The following NOL10 variants were observed in gnomAD, a reference collection of about 807,000 sequenced individuals.
NOL10 encodes H_NH0074G24.1.
Under a neutral mutation model 103.5 loss-of-function variants are expected in NOL10, and 58 were observed. The ratio of observed to expected loss-of-function variants is 0.56; its 90% confidence interval spans 0.45 to 0.70. The LOEUF (loss-of-function observed/expected upper bound fraction) is 0.70, where lower values mean the gene tolerates loss of function less well. Ranked by LOEUF, NOL10 falls within the 30% of genes least tolerant of loss-of-function variation. The probability of loss-of-function intolerance (pLI) is 0.00; values close to 1 mark genes in which losing one functional copy is unlikely to be tolerated. For missense variants in NOL10, 763 were observed against 807.3 expected, an observed-to-expected ratio of 0.95 and a Z score of 0.67; for synonymous variants, 287 against 282.5, an observed-to-expected ratio of 1.02 and a Z score of -0.16.
chr2:10,619,499 A>C (rs1677010993), intron 13 of NOL10, among the ~76,000 whole-genome samples: 1 of 152,162 alleles, frequency 6.6e-6, no homozygotes, highest in Admixed American at 6.5e-5. Context: ...AAAATCATGA[A>C]ACTCACTCAT....
chr2:10,610,831 T>C (rs72775385), intron 13 of NOL10, among the ~76,000 whole-genome samples: 2,642 of 152,352 alleles, frequency 0.017, 48 homozygotes, highest in Middle Eastern at 0.051. Context: ...ATTTTACAAC[T>C]TGAGGAAAAC....
intron 3 of NOL10, among the ~76,000 whole-genome samples, chr2:10,679,216 G>A (rs1004242318): frequency 6.6e-5 from 10 of 152,016 alleles, no homozygotes; most frequent in East Asian, 3.9e-4. Context: ...AAAATTAGCC[G>A]GGCGTGGTGG....
chr2:10,593,942 TC>T (rs1204694877), intron 17 of NOL10, among the ~76,000 whole-genome samples: 1 of 152,200 alleles, frequency 6.6e-6, no homozygotes, highest in Non-Finnish European at 1.5e-5. Flanking sequence ...GCAGTGTCCT[TC>T]CCCAAACAGT....
At chr2:10,590,264 G>A (rs983689146) in intron 17 of NOL10, among the ~76,000 whole-genome samples, 5 of 151,954 alleles carry the variant, frequency 3.3e-5, no homozygotes, top group African/African-American at 7.3e-5. Context: ...GTGCACCACC[G>A]CACCCGGCTA....
chr2:10,587,547 AG>A (rs1320634241), intron 19 of NOL10, among the ~76,000 whole-genome samples: 2 of 151,646 alleles, frequency 1.3e-5, no homozygotes, highest in Non-Finnish European at 2.9e-5. Flanking sequence ...CTAGGATTAC[AG>A]GCGTGAGCCA....
At chr2:10,605,332 A>C (rs1388495750) in intron 14 of NOL10, among the ~76,000 whole-genome samples, 7 of 152,198 alleles carry the variant, frequency 4.6e-5, no homozygotes, top group Non-Finnish European at 1.5e-5. Context: ...GCAAATCTTC[A>C]ATATACTAAT....
chr2:10,602,643 C>T, intron 16 of NOL10, 133 bp downstream of exon 16: 1 of 638,382 alleles, frequency 1.6e-6, no homozygotes, highest in Non-Finnish European at 2.6e-6. Context: ...CAAACTATAC[C>T]AAAAATATCA....
Position 10,600,903 on chromosome 2 carries a change from T to C in NOL10, c.1372A>G (p.Ile458Val). ...KVNKELALKL[I>V]EEEEEKQKST... ...TTCTGCTTCTCCTCTTCTTCCTCAA[T>C]TAATTTAAGTGCCAGCTCTTTGTTA... The change falls in exon 17 of 21, where the codon ATT becomes GTT. Residue 458 changes from isoleucine (I) to valine (V), a missense_variant. Ile to Val is a conservative substitution (Grantham distance 29). Coordinates refer to ENST00000381685, the MANE Select transcript of NOL10 (RefSeq NM_024894.4). 1 of 1,557,534 alleles carries C rather than the reference T, an allele frequency of 6.4e-7. No individual in the cohort carries two copies. Among genetic ancestry groups the C allele is most frequent in the Non-Finnish European group, 8.7e-7 (1 of 1,149,422 alleles).
At chr2:10,645,944 T>TATAC (rs1679041082) in intron 12 of NOL10, among the ~76,000 whole-genome samples, 1 of 147,592 alleles carries the variant, frequency 6.8e-6, no homozygotes, top group South Asian at 2.1e-4. Context: ...CACACACACA[T>TATAC]ACACACACAC....
chr2:10,607,425 G>C, intron 13 of NOL10, 114 bp from the exon 14 acceptor site: 1 of 1,178,226 alleles, frequency 8.5e-7, no homozygotes, highest in South Asian at 2.0e-5. Context: ...TTTTCTATCA[G>C]AAGTATTGAC....
chr2:10,635,027 T>C (rs928359347), intron 13 of NOL10, among the ~76,000 whole-genome samples: 1 of 149,140 alleles, frequency 6.7e-6, no homozygotes, highest in African/African-American at 2.4e-5. Context: ...AAATTTTTGA[T>C]TTTTTTTTTG....
chr2:10,663,300 G>C (rs777085562), intron 8 of NOL10, among the ~76,000 whole-genome samples: 4 of 150,434 alleles, frequency 2.7e-5, no homozygotes, highest in South Asian at 4.2e-4. Context: ...CCGGGAGGTG[G>C]AGGTTGCAGT....
At chr2:10,658,807 G>A (rs1270290509) in intron 10 of NOL10, among the ~76,000 whole-genome samples, 1 of 152,214 alleles carries the variant, frequency 6.6e-6, no homozygotes, top group Non-Finnish European at 1.5e-5. Flanking sequence ...GCCAAGCCCG[G>A]TGGCTCACGC....
intron 9 of NOL10, among the ~76,000 whole-genome samples, chr2:10,659,793 G>A (rs574854438): frequency 6.6e-6 from 1 of 152,264 alleles, no homozygotes; most frequent in East Asian, 1.9e-4. Flanking sequence ...AATTAAGCCA[G>A]AATAAGGTAT....
intron 13 of NOL10, among the ~76,000 whole-genome samples, chr2:10,635,083 G>C (rs138120865): frequency 6.6e-6 from 1 of 152,028 alleles, no homozygotes; most frequent in South Asian, 2.1e-4. Context: ...CTTGGGATGA[G>C]ACCCAAGTCT....
intron 13 of NOL10, among the ~76,000 whole-genome samples, chr2:10,639,524 C>T (rs1178135521): frequency 3.3e-5 from 5 of 152,142 alleles, no homozygotes; most frequent in Non-Finnish European, 5.9e-5. Context: ...CCCCAACCAC[C>T]ACCACCAAGC....
intron 8 of NOL10, among the ~76,000 whole-genome samples, chr2:10,665,220 T>C (rs1680495140): frequency 6.6e-6 from 1 of 152,188 alleles, no homozygotes; most frequent in Non-Finnish European, 1.5e-5. Flanking sequence ...AATGAGTTAA[T>C]AAATTTTATG....
chr2:10,684,989 C>A (rs1046677819), intron 1 of NOL10, among the ~76,000 whole-genome samples: 1 of 152,178 alleles, frequency 6.6e-6, no homozygotes, highest in Non-Finnish European at 1.5e-5. Flanking sequence ...CATGGGCCAC[C>A]AGGCCCGGCC....
At chr2:10,673,118 C>T (rs1038690) in intron 5 of NOL10, among the ~76,000 whole-genome samples, 78,363 of 151,970 alleles carry the variant, frequency 0.52, 20,585 homozygotes, top group Middle Eastern at 0.63. Context: ...AAATTAAACA[C>T]ACAACCCTGC....
Sources: gnomAD v4.1 joint callset for allele counts (sites outside exome capture counted in the v4.1 genomes callset) on GRCh38, gnomAD v4.1.1 for gene constraint, MANE v1.5 for transcripts, NCBI Gene and HGNC (gene_info 2026-07-23, HGNC 2026-07-21) for gene names.